Variants in AFF3 observed in about 807,000 individuals in gnomAD.
AFF3 encodes the protein ALF transcription elongation factor 3.
AFF3 carries 32 observed loss-of-function variants against 129.7 expected under a neutral mutation model. That is an observed-to-expected ratio of 0.25 (90% confidence interval 0.19 to 0.33). The LOEUF (loss-of-function observed/expected upper bound fraction) is 0.33, where lower values mean the gene tolerates loss of function less well. Ranked by LOEUF, AFF3 falls within the 10% of genes least tolerant of loss-of-function variation. AFF3 has a pLI of 1.00. For missense variants in AFF3, 1,373 were observed against 1,592.0 expected, an observed-to-expected ratio of 0.86 and a Z score of 2.34; for synonymous variants, 644 against 635.4, an observed-to-expected ratio of 1.01 and a Z score of -0.20.
chr2:100,071,675 G>T (rs1050181731), intron 4 of AFF3, among the ~76,000 whole-genome samples: 11 of 152,250 alleles, frequency 7.2e-5, no homozygotes, highest in African/African-American at 2.6e-4. Flanking sequence ...CTGGCATGGC[G>T]ATTGGTGGGA....
chr2:99,835,536 G>T (rs576438268), intron 8 of AFF3, among the ~76,000 whole-genome samples: 9 of 145,480 alleles, frequency 6.2e-5, no homozygotes, highest in African/African-American at 2.2e-4. Context: ...ACACTAATGC[G>T]ATCCCCTAGG....
intron 7 of AFF3, among the ~76,000 whole-genome samples, chr2:99,958,485 GAA>G (rs551725293): frequency 6.8e-5 from 7 of 102,480 alleles, no homozygotes; most frequent in Middle Eastern, 6.4e-3. Context: ...ACTCTGTCTC[GAA>G]AAAAAAAAAA....
In AFF3 at chr2:99,565,347, C is replaced by T. The variant is rs560323456; in HGVS notation, c.3119+140G>A. On this transcript the variant is annotated intron_variant, in intron 20 of 24. Coordinates refer to ENST00000672756, the MANE Select transcript of AFF3 (RefSeq NM_001386135.1). ...GGGTGTGCCAAGACGCCTTGCACGA[C>T]CTTACCCTCTTATTTTGGGGGGATG... 18 of 1,286,782 alleles carry T rather than the reference C, an allele frequency of 1.4e-5. No individual in the cohort carries two copies. In the South Asian group the frequency reaches 2.3e-4, roughly 16 times the overall value. 79.7% of individuals were successfully genotyped at this position (1,286,782 alleles called of 1,614,324 possible). A position where few individuals can be genotyped will look rare whatever the true frequency, so the allele number is the denominator to read the frequency against.
Position 99,558,939 on chromosome 2 carries a change from C to T in AFF3, c.3221G>A (p.Arg1074Gln), listed in dbSNP as rs1675209593. Residue 1074 changes from arginine (R) to glutamine (Q), a missense_variant, in exon 22 of 25, where the codon CGG (arginine) becomes CAG (glutamine). Around this residue, in one of 9 missense-constraint regions of AFF3, gnomAD observed 165 missense variants for 234.0 expected, o/e 0.71. Coordinates refer to ENST00000672756, the MANE Select transcript of AFF3 (RefSeq NM_001386135.1). ...CYRCLALLYWRMFRLKRDHAV... is the reference protein window; with the variant it reads ...CYRCLALLYWQMFRLKRDHAV... ...GTGGTCCCTTTTGAGTCGAAACATCCGCCAGTACAGGAGGGCCAGGCATCG... is the reference window on the plus strand; with the variant it reads ...GTGGTCCCTTTTGAGTCGAAACATCTGCCAGTACAGGAGGGCCAGGCATCG... 1.2e-6 allele frequency: 2 copies of T among 1,614,134 alleles called. No individual in the cohort carries two copies. Among genetic ancestry groups the T allele is most frequent in the East Asian group, 2.2e-5 (1 of 44,880 alleles).
intron 13 of AFF3, among the ~76,000 whole-genome samples, chr2:99,648,031 G>A (rs1449347475): frequency 6.6e-6 from 1 of 152,134 alleles, no homozygotes; most frequent in Admixed American, 6.5e-5. Context: ...AATTGTCTTT[G>A]TATTTGTGAC....
chr2:99,842,273 G>A (rs889585126), intron 7 of AFF3, among the ~76,000 whole-genome samples: 1 of 151,966 alleles, frequency 6.6e-6, no homozygotes, highest in Non-Finnish European at 1.5e-5. Flanking sequence ...TGCTTACTTT[G>A]ATTATATTTA....
At chr2:99,968,150 G>C (rs1358856098) in intron 7 of AFF3, among the ~76,000 whole-genome samples, 5 of 152,088 alleles carry the variant, frequency 3.3e-5, no homozygotes, top group Non-Finnish European at 7.4e-5. Flanking sequence ...CCCCTTCCCA[G>C]CTCCCCTCAG....
At position 99,900,303 on chromosome 2, in the gene AFF3, C is replaced by T. The variant is rs143212485; in HGVS notation, c.874-62779G>A. 4.5e-3 allele frequency among the ~76,000 whole-genome samples: 691 copies of T among 152,258 alleles called. 6 individuals are homozygous for T. The highest frequency in any genetic ancestry group is 9.9e-3 in the African/African-American group (412 of 41,558). ...CTTAAATTACCATACCCCAGGGGAA[C>T]GCACAGCTTTCAGGATGCAGAGACT... On this transcript the variant is annotated intron_variant, in intron 7 of 24. Coordinates refer to ENST00000672756, the MANE Select transcript of AFF3 (RefSeq NM_001386135.1).
chr2:99,594,404 T>C (rs1387302426), intron 14 of AFF3, 115 bp from the exon 15 acceptor site: 4 of 1,439,006 alleles, frequency 2.8e-6, no homozygotes, highest in Non-Finnish European at 2.8e-6. Context: ...AGAAAACGAA[T>C]GGGCTGGAAG....
intron 7 of AFF3, among the ~76,000 whole-genome samples, chr2:99,936,135 A>G (rs1674505149): frequency 6.6e-6 from 1 of 152,212 alleles, no homozygotes; most frequent in Non-Finnish European, 1.5e-5. Context: ...CAGGAACTAC[A>G]GCCTTTGGGG....
intron 10 of AFF3, among the ~76,000 whole-genome samples, chr2:99,739,276 T>G (rs1424363731): frequency 6.6e-6 from 1 of 152,148 alleles, no homozygotes; most frequent in African/African-American, 2.4e-5. Context: ...CTTCCTTTGC[T>G]GTGTCACGAC....
intron 8 of AFF3, among the ~76,000 whole-genome samples, chr2:99,834,883 C>T (rs138623946): frequency 1.0e-3 from 155 of 152,298 alleles, no homozygotes; most frequent in African/African-American, 3.2e-3. Flanking sequence ...CCTATTTCTA[C>T]GGTGTTATTA....
At chr2:99,901,443 C>G (rs1694337746) in intron 7 of AFF3, among the ~76,000 whole-genome samples, 1 of 152,178 alleles carries the variant, frequency 6.6e-6, no homozygotes. Flanking sequence ...CCATTGCCCT[C>G]CTCTCTCTTC....
chr2:99,829,287 G>T (rs960062989), intron 8 of AFF3, among the ~76,000 whole-genome samples: 1 of 152,092 alleles, frequency 6.6e-6, no homozygotes, highest in Admixed American at 6.6e-5. Context: ...TTGACAAATG[G>T]GATCTAATTA....
intron 13 of AFF3, among the ~76,000 whole-genome samples, chr2:99,648,291 A>G (rs1684872352): frequency 8.0e-5 from 2 of 24,926 alleles, no homozygotes; most frequent in Admixed American, 3.8e-4. Flanking sequence ...CTCATTAACA[A>G]TGACCAAGTT....
chr2:100,115,808 G>A (rs997968732), intron 2 of AFF3, among the ~76,000 whole-genome samples: 1 of 151,980 alleles, frequency 6.6e-6, no homozygotes, highest in Non-Finnish European at 1.5e-5. Context: ...CTTTCAGTCT[G>A]GAAATATCAA....
chr2:99,554,600 T>C (rs1575332436), intron 23 of AFF3, 66 bp from the exon 24 acceptor site: 1 of 1,610,330 alleles, frequency 6.2e-7, no homozygotes, highest in African/African-American at 1.3e-5. Context: ...GGGCAGCCCC[T>C]TGGGGAACAG....
At chr2:99,970,243 C>T (rs553912144) in intron 7 of AFF3, among the ~76,000 whole-genome samples, 1 of 152,278 alleles carries the variant, frequency 6.6e-6, no homozygotes, top group South Asian at 2.1e-4. Flanking sequence ...CCATCTTCTC[C>T]ACCTGTGACC....
At chr2:99,756,598 G>T (rs771024055) in intron 8 of AFF3, among the ~76,000 whole-genome samples, 1 of 152,096 alleles carries the variant, frequency 6.6e-6, no homozygotes, top group East Asian at 1.9e-4. Flanking sequence ...ACTGGTATTG[G>T]TTTAACATCA....
Sources: gnomAD v4.1 joint callset for allele counts (sites outside exome capture counted in the v4.1 genomes callset) on GRCh38, gnomAD v4.1.1 for gene constraint, gnomAD v4.1.1 regional missense constraint, MANE v1.5 for transcripts, NCBI Gene and HGNC (gene_info 2026-07-23, HGNC 2026-07-21) for gene names.